The following RBM20 variants were observed in gnomAD, a reference collection of about 807,000 sequenced individuals.
RBM20 encodes the protein RNA-binding protein 20.
Under a neutral mutation model 110.1 loss-of-function variants are expected in RBM20, and 51 were observed. That is an observed-to-expected ratio of 0.46 (90% CI 0.37 to 0.59). The LOEUF (loss-of-function observed/expected upper bound fraction) is 0.59, where lower values mean the gene tolerates loss of function less well. RBM20 is among the 20% of genes least tolerant of loss of function. RBM20 has a pLI of 0.00. For missense variants in RBM20, 1,512 were observed against 1,574.9 expected, an observed-to-expected ratio of 0.96 and a Z score of 0.68; for synonymous variants, 589 against 618.2, an observed-to-expected ratio of 0.95 and a Z score of 0.70.
chr10:110,663,839 A>G (rs1243916453), intron 1 of RBM20, among the ~76,000 whole-genome samples: 2 of 152,224 alleles, frequency 1.3e-5, no homozygotes, highest in Non-Finnish European at 2.9e-5. Flanking sequence ...TTTCAGTAAT[A>G]TTGTAAGTAA....
chr10:110,672,510 G>T (rs1285316695), intron 1 of RBM20, among the ~76,000 whole-genome samples: 1 of 152,238 alleles, frequency 6.6e-6, no homozygotes, highest in Non-Finnish European at 1.5e-5. Context: ...TTCCGTGATC[G>T]TCAGCCAAAG....
intron 1 of RBM20, among the ~76,000 whole-genome samples, chr10:110,743,430 GATAA>G (rs1194106244): frequency 6.6e-6 from 1 of 152,106 alleles, no homozygotes; most frequent in Non-Finnish European, 1.5e-5. Context: ...TGTTGCATGT[GATAA>G]ATAGTTACAC....
intron 12 of RBM20, among the ~76,000 whole-genome samples, chr10:110,826,321 C>T (rs987453936): frequency 1.3e-5 from 2 of 152,102 alleles, no homozygotes; most frequent in Admixed American, 1.3e-4. Flanking sequence ...TATAAATATA[C>T]CTGTGAGACC....
intron 1 of RBM20, among the ~76,000 whole-genome samples, chr10:110,757,907 A>G (rs1345938440): frequency 6.6e-6 from 1 of 151,476 alleles, no homozygotes; most frequent in Non-Finnish European, 1.5e-5. Flanking sequence ...GTCATGGGAT[A>G]GACCCTACTG....
intron 1 of RBM20, among the ~76,000 whole-genome samples, chr10:110,691,914 T>A (rs554655660): frequency 4.6e-5 from 7 of 152,338 alleles, no homozygotes; most frequent in African/African-American, 1.7e-4. Flanking sequence ...AAACTGTAGT[T>A]TATAATCTCA....
At chr10:110,775,628 C>T (rs576899346) in intron 1 of RBM20, among the ~76,000 whole-genome samples, 7 of 152,300 alleles carry the variant, frequency 4.6e-5, no homozygotes, top group Admixed American at 1.3e-4. Flanking sequence ...TCTTCTAATC[C>T]TCTTTTCTCC....
chr10:110,750,520 G>A (rs373131045), intron 1 of RBM20, among the ~76,000 whole-genome samples: 72 of 152,180 alleles, frequency 4.7e-4, no homozygotes, highest in Admixed American at 1.2e-3. Context: ...GAAGAGCATC[G>A]TCACAAGCAT....
chr10:110,797,751 C>T (rs552846607), intron 6 of RBM20, 103 bp downstream of exon 6: 9 of 1,252,090 alleles, frequency 7.2e-6, no homozygotes, highest in African/African-American at 1.5e-5. Context: ...CATAAAGAGG[C>T]GATGCCGTAG....
In RBM20 at chr10:110,831,067, A is replaced by G; in HGVS notation, c.3458A>G (p.Glu1153Gly). The change falls in exon 13 of 14, where the codon GAG (glutamate) becomes GGG (glycine). Residue 1153 changes from glutamate (E) to glycine (G), a missense_variant. Glu to Gly is a moderately conservative substitution (Grantham distance 98). Coordinates refer to ENST00000369519, the MANE Select transcript of RBM20 (RefSeq NM_001134363.3). ...ATCCCCCATCCTTTCCCAGGGGTGG[A>G]GTTCGTGGTTCCCAGGACTGGCTTT... ...FSELSIPLGV[E>G]FVVPRTGFYC... 6.4e-7 allele frequency: 1 copy of G among 1,550,536 alleles called. No homozygotes were observed. The highest frequency in any genetic ancestry group is 8.7e-7 in the Non-Finnish European group (1 of 1,146,134).
In RBM20 at chr10:110,738,846, AGCCTTTGTG is replaced by A. The variant is rs530254051; in HGVS notation, c.192-41954_192-41946del. Among the ~76,000 whole-genome samples the A allele has an allele frequency of 1.8e-3, 279 of 152,274 alleles. 4 individuals carry two copies. The highest frequency in any genetic ancestry group is 6.5e-3 in the African/African-American group (271 of 41,542). ...AGGCTGACATTGGGGTTGGGGCTGC[AGCCTTTGTG>A]CCTGTGATGGGAGCCCAGACCTATA... On this transcript the variant is annotated intron_variant, in intron 1 of 13. Transcript: ENST00000369519.
chr10:110,653,055 T>C (rs1037082596), intron 1 of RBM20, among the ~76,000 whole-genome samples: 6 of 152,192 alleles, frequency 3.9e-5, no homozygotes, highest in African/African-American at 1.4e-4. Flanking sequence ...TTACTCTTTT[T>C]CCCCAGATCC....
rs1460108923 is a variant in RBM20, at chr10:110,826,580, CTTCT to C, written c.3451+2969_3451+2972del. On this transcript the variant is annotated intron_variant, in intron 12 of 13. Coordinates refer to ENST00000369519, the MANE Select transcript of RBM20 (RefSeq NM_001134363.3). The stretch of plus-strand genomic sequence containing the variant: ...TGGATCAGTAGTCTGTTTCATTCTT[CTTCT>C]TTTTTTTTTTTTTTTGAGACAAAGT... Among the ~76,000 whole-genome samples the C allele has an allele frequency of 2.7e-3, 331 of 124,394 alleles. 3 individuals are homozygous for C. Among genetic ancestry groups the C allele is most frequent in the African/African-American group, 9.7e-3 (313 of 32,430 alleles). 81.6% of individuals were successfully genotyped at this position (124,394 alleles called of 152,430 possible). A position where few individuals can be genotyped will look rare whatever the true frequency, so the allele number is the denominator to read the frequency against.
At chr10:110,651,756 C>G (rs1299501976) in intron 1 of RBM20, among the ~76,000 whole-genome samples, 2 of 152,196 alleles carry the variant, frequency 1.3e-5, no homozygotes, top group Non-Finnish European at 2.9e-5. Flanking sequence ...CTCTTTGCAG[C>G]CTTGCAGATG....
intron 1 of RBM20, among the ~76,000 whole-genome samples, chr10:110,690,417 A>T (rs7895278): frequency 6.6e-6 from 1 of 151,504 alleles, no homozygotes; most frequent in East Asian, 1.9e-4. Context: ...AAAAAAAACA[A>T]AAAAACAAAA....
chr10:110,768,347 G>C (rs977062873), intron 1 of RBM20, among the ~76,000 whole-genome samples: 1 of 152,200 alleles, frequency 6.6e-6, no homozygotes, highest in Non-Finnish European at 1.5e-5. Context: ...TCTCTGCCTT[G>C]GGCGACATCT....
At chr10:110,800,194 A>G (rs1374649522) in intron 7 of RBM20, among the ~76,000 whole-genome samples, 1 of 152,234 alleles carries the variant, frequency 6.6e-6, no homozygotes, top group African/African-American at 2.4e-5. Context: ...TTAAAGGAGG[A>G]AGTCAGAAGG....
chr10:110,760,425 C>CTTTTTTTTTTTTTTTTTT lies in RBM20; in HGVS notation c.192-20365_192-20348dup, dbSNP rs541027608. Reference sequence around the variant, plus strand: ...TATTAGCCCAGCTGAATTCCATCATCTTTTTTTTTTTTTTTTTTTTTTTTT... The same window carrying CTTTTTTTTTTTTTTTTTT: ...TATTAGCCCAGCTGAATTCCATCATCTTTTTTTTTTTTTTTTTTTTTTTTTTTTTTTTTTTTTTTTTTT... On this transcript the variant is annotated intron_variant, in intron 1 of 13. Coordinates refer to ENST00000369519, the MANE Select transcript of RBM20 (RefSeq NM_001134363.3). 5.2e-5 allele frequency among the ~76,000 whole-genome samples: 3 copies of CTTTTTTTTTTTTTTTTTT among 57,818 alleles called. 1 individual carries two copies. Among genetic ancestry groups the CTTTTTTTTTTTTTTTTTT allele is most frequent in the Non-Finnish European group, 9.2e-5 (3 of 32,544 alleles). The allele number at this position is 57,818 out of a possible 152,430, so 37.9% of individuals were successfully genotyped here.
At chr10:110,672,379 G>A (rs534147762) in intron 1 of RBM20, among the ~76,000 whole-genome samples, 201 of 152,344 alleles carry the variant, frequency 1.3e-3, no homozygotes, top group African/African-American at 4.5e-3. Flanking sequence ...AAGCCTGAGA[G>A]GTCTCAGCGA....
chr10:110,827,468 C>T (rs1047424149), intron 12 of RBM20, among the ~76,000 whole-genome samples: 3 of 152,046 alleles, frequency 2.0e-5, no homozygotes, highest in African/African-American at 7.2e-5. Context: ...TCTTCCAGTT[C>T]AGGCAGCAAC....
Sources: allele counts gnomAD v4.1 joint callset (sites outside exome capture counted in the v4.1 genomes callset), GRCh38; gene constraint gnomAD v4.1.1; transcripts MANE v1.5; gene names NCBI Gene and HGNC (gene_info 2026-07-23, HGNC 2026-07-21).